SGCD: variants seen among roughly 807,000 people sequenced by gnomAD.
SGCD encodes the protein delta-sarcoglycan.
A neutral mutation model predicts 36.6 loss-of-function variants in SGCD; 18 were observed. The observed-to-expected ratio is 0.49, with a 90% confidence interval of 0.34 to 0.73. The LOEUF (loss-of-function observed/expected upper bound fraction) is 0.73. Ranked by LOEUF, SGCD falls within the 30% of genes least tolerant of loss-of-function variation. SGCD has a pLI of 0.01. For synonymous variants in SGCD, 133 were observed against 130.6 expected (o/e 1.02, Z -0.12); for missense variants, 387 against 346.7 (o/e 1.12, Z -0.92).
In SGCD at chr5:156,657,219, CT is replaced by C. The variant is rs571128334; in HGVS notation, c.575+9694del. On this transcript the variant is annotated intron_variant, in intron 7 of 8. Transcript: ENST00000337851. ...CCAAAATATTGGATAAATAGTCTGACTTTTTTTTTTTCCTCTCTCTTTTATT... is the reference window on the plus strand; with the variant it reads ...CCAAAATATTGGATAAATAGTCTGACTTTTTTTTTTCCTCTCTCTTTTATT... 1.4e-3 allele frequency among the ~76,000 whole-genome samples: 200 copies of C among 146,100 alleles called. 1 individual carries two copies. The highest frequency in any genetic ancestry group is 7.6e-3 in the East Asian group (38 of 5,018).
intron 3 of SGCD, among the ~76,000 whole-genome samples, chr5:156,243,983 T>C (rs30282): frequency 0.99 from 150,830 of 152,316 alleles, 74,682 homozygotes; most frequent in East Asian, 1. Flanking sequence ...ACGGTACCTC[T>C]CCCTAAACTA....
At chr5:156,364,171 A>G (rs9313897) in intron 3 of SGCD, among the ~76,000 whole-genome samples, 2 of 152,134 alleles carry the variant, frequency 1.3e-5, no homozygotes, top group South Asian at 2.1e-4. Flanking sequence ...TGCTGGGATT[A>G]TGACAGCAGA....
chr5:155,883,154 T>C (rs1283926417), intron 1 of SGCD, among the ~76,000 whole-genome samples: 1 of 152,210 alleles, frequency 6.6e-6, no homozygotes, highest in Non-Finnish European at 1.5e-5. Context: ...GTTAGGGCCT[T>C]GCTCTGGGTT....
At chr5:156,330,961 T>C (rs1398807133) in intron 2 of SGCD, among the ~76,000 whole-genome samples, 1 of 152,220 alleles carries the variant, frequency 6.6e-6, no homozygotes, top group Non-Finnish European at 1.5e-5. Context: ...CCTAATAGTG[T>C]GTTGTGAGAT....
At chr5:156,662,963 C>T (rs183985881) in intron 7 of SGCD, among the ~76,000 whole-genome samples, 27 of 150,214 alleles carry the variant, frequency 1.8e-4, no homozygotes, top group Non-Finnish European at 3.2e-4. Context: ...CTACAGTGAC[C>T]GCCCCTAAAA....
intron 1 of SGCD, among the ~76,000 whole-genome samples, chr5:155,884,218 C>T (rs1448883975): frequency 6.6e-6 from 1 of 152,124 alleles, no homozygotes; most frequent in Non-Finnish European, 1.5e-5. Context: ...AGGGAGCTTA[C>T]AGGCCTCTGC....
intron 3 of SGCD, among the ~76,000 whole-genome samples, chr5:156,374,167 A>G (rs904091008): frequency 6.6e-6 from 1 of 151,598 alleles, no homozygotes. Context: ...AAAAAAATGC[A>G]TGGCAATATC....
chr5:156,105,932 G>A (rs1294265436), intron 1 of SGCD, among the ~76,000 whole-genome samples: 1 of 151,684 alleles, frequency 6.6e-6, no homozygotes, highest in African/African-American at 2.4e-5. Context: ...CGAAGATGGT[G>A]AAACCCCGTC....
At chr5:155,827,285 A>G in the SGCD span, among the ~76,000 whole-genome samples, 1 of 152,274 alleles carries the variant, frequency 6.6e-6, no homozygotes, top group Middle Eastern at 3.4e-3. Flanking sequence ...TGAGTTCAGG[A>G]GTGGGGACAT....
chr5:156,127,674 A>G (rs926992526), intron 3 of SGCD, among the ~76,000 whole-genome samples: 6 of 152,008 alleles, frequency 3.9e-5, no homozygotes, highest in Non-Finnish European at 8.8e-5. Flanking sequence ...GAACACATAT[A>G]TATAGTCAAC....
At chr5:156,003,975 T>C (rs1485314407) in intron 1 of SGCD, among the ~76,000 whole-genome samples, 1 of 152,240 alleles carries the variant, frequency 6.6e-6, no homozygotes, top group Non-Finnish European at 1.5e-5. Context: ...ATAGATTTTG[T>C]TTTAATTTGA....
intron 3 of SGCD, among the ~76,000 whole-genome samples, chr5:156,252,064 T>G (rs1215009548): frequency 6.7e-6 from 1 of 148,798 alleles, no homozygotes; most frequent in African/African-American, 2.6e-5. Context: ...GATATTAGCA[T>G]TTTTTTTTCT....
chr5:156,345,484 T>C (rs558769284), intron 3 of SGCD, among the ~76,000 whole-genome samples: 65 of 152,172 alleles, frequency 4.3e-4, no homozygotes, highest in Admixed American at 1.1e-3. Context: ...TGAGCATAAT[T>C]TCCTTTCTTG....
intron 7 of SGCD, among the ~76,000 whole-genome samples, chr5:156,720,764 A>G (rs1755456445): frequency 6.6e-6 from 1 of 152,178 alleles, no homozygotes; most frequent in African/African-American, 2.4e-5. Flanking sequence ...TTTTGCTCAT[A>G]AAGTTTGCTT....
intron 3 of SGCD, among the ~76,000 whole-genome samples, chr5:156,467,128 T>C (rs1754753798): frequency 6.6e-6 from 1 of 152,190 alleles, no homozygotes; most frequent in African/African-American, 2.4e-5. Context: ...TGGGGAAGGC[T>C]GTGTTCCAAT....
chr5:156,566,766 G>T (rs1402329114), intron 4 of SGCD, among the ~76,000 whole-genome samples: 1 of 152,070 alleles, frequency 6.6e-6, no homozygotes, highest in African/African-American at 2.4e-5. Flanking sequence ...TGATAAAAAT[G>T]TAAATGTGAA....
chr5:156,164,081 C>T (rs979495017), intron 3 of SGCD, among the ~76,000 whole-genome samples: 3 of 150,990 alleles, frequency 2.0e-5, no homozygotes, highest in Non-Finnish European at 4.4e-5. Flanking sequence ...ACTTTGCCTG[C>T]CTTGGAGAAT....
intron 7 of SGCD, among the ~76,000 whole-genome samples, chr5:156,695,618 T>C (rs1484882183): frequency 6.6e-6 from 1 of 152,172 alleles, no homozygotes; most frequent in Non-Finnish European, 1.5e-5. Context: ...TTAAAGCGTA[T>C]GCATGTGGTG....
At chr5:156,376,412 AAG>A (rs1351687495) in intron 3 of SGCD, among the ~76,000 whole-genome samples, 1 of 152,246 alleles carries the variant, frequency 6.6e-6, no homozygotes, top group Non-Finnish European at 1.5e-5. Flanking sequence ...TAACTGCTTT[AAG>A]TAGCAGCTTC....
Sources: allele counts gnomAD v4.1 joint callset (sites outside exome capture counted in the v4.1 genomes callset), GRCh38; gene constraint gnomAD v4.1.1; transcripts MANE v1.5; gene names NCBI Gene and HGNC (gene_info 2026-07-23, HGNC 2026-07-21).